Variants in HECW1 observed in about 807,000 individuals in gnomAD.
The protein encoded by HECW1 is HECT, C2 and WW domain containing E3 ubiquitin protein ligase 1, also known as E3 ubiquitin-protein ligase HECW1.
A neutral mutation model predicts 182.3 loss-of-function variants in HECW1; 61 were observed. The observed-to-expected ratio is 0.33, with a 90% CI of 0.27 to 0.41. The LOEUF is 0.41. HECW1 is among the 10% of genes least tolerant of loss of function. The pLI, the probability that HECW1 is intolerant of heterozygous loss-of-function variation, is 1.00. For synonymous variants in HECW1, 859 were observed against 832.6 expected, an observed-to-expected ratio of 1.03 and a Z score of -0.55; for missense variants, 1,739 against 2,108.9, an observed-to-expected ratio of 0.82 and a Z score of 3.44.
chr7:43,255,321 G>C (rs56016010), intron 3 of HECW1, among the ~76,000 whole-genome samples: 25 of 152,004 alleles, frequency 1.6e-4, no homozygotes, highest in Non-Finnish European at 3.4e-4. Flanking sequence ...TATTCAGGCC[G>C]GGCCTGGTGG....
At chr7:43,365,996 G>T (rs2152816207) in intron 6 of HECW1, among the ~76,000 whole-genome samples, 1 of 152,144 alleles carries the variant, frequency 6.6e-6, no homozygotes, top group East Asian at 1.9e-4. Context: ...CTAGCTACTT[G>T]GGAGGCTGAG....
At chr7:43,445,710 ATGTG>A in intron 11 of HECW1, 140 bp downstream of exon 11, 2 of 990,674 alleles carry the variant, frequency 2.0e-6, no homozygotes, top group Non-Finnish European at 2.9e-6. Flanking sequence ...TTGTATATAC[ATGTG>A]TGCATGTGTA....
chr7:43,172,458 A>G (rs930685830), intron 2 of HECW1, among the ~76,000 whole-genome samples: 1 of 151,572 alleles, frequency 6.6e-6, no homozygotes, highest in African/African-American at 2.4e-5. Context: ...TCTTTCACAC[A>G]TGCCCATGTT....
At chr7:43,427,623 T>C (rs1307939218) in intron 8 of HECW1, among the ~76,000 whole-genome samples, 1 of 152,200 alleles carries the variant, frequency 6.6e-6, no homozygotes, top group Non-Finnish European at 1.5e-5. Context: ...AGCCATTTAT[T>C]ATCTCACAAT....
At chr7:43,158,784 G>A (rs1790173783) in intron 2 of HECW1, among the ~76,000 whole-genome samples, 1 of 152,112 alleles carries the variant, frequency 6.6e-6, no homozygotes, top group Non-Finnish European at 1.5e-5. Context: ...CACCATGCTC[G>A]TGGTTTACTT....
At chr7:43,478,565 T>C (rs1431175737) in intron 16 of HECW1, among the ~76,000 whole-genome samples, 1 of 152,174 alleles carries the variant, frequency 6.6e-6, no homozygotes, top group Non-Finnish European at 1.5e-5. Context: ...AAAGAATATT[T>C]AATAATTTAG....
chr7:43,182,618 G>A (rs556386407), intron 2 of HECW1, among the ~76,000 whole-genome samples: 2 of 152,266 alleles, frequency 1.3e-5, no homozygotes, highest in South Asian at 2.1e-4. Flanking sequence ...TTTTTCTCAA[G>A]ATTGCTTTGC....
chr7:43,202,410 T>C (rs1234122348), intron 2 of HECW1, among the ~76,000 whole-genome samples: 1 of 152,142 alleles, frequency 6.6e-6, no homozygotes, highest in Non-Finnish European at 1.5e-5. Flanking sequence ...CTTTTCCATA[T>C]TCTTTTTTAC....
intron 16 of HECW1, among the ~76,000 whole-genome samples, chr7:43,478,478 C>CCCT (rs2078299633): frequency 6.6e-6 from 1 of 152,096 alleles, no homozygotes; most frequent in Non-Finnish European, 1.5e-5. Context: ...AGTCAAATGT[C>CCCT]TAACAATTAA....
chr7:43,171,477 CAGGCTCCAAGGAAAGACGACCCTCAG>C (rs1255671681), intron 2 of HECW1, among the ~76,000 whole-genome samples: 2 of 152,102 alleles, frequency 1.3e-5, no homozygotes, highest in African/African-American at 4.8e-5. Flanking sequence ...GCGTGCTGGC[CAGGCTCCAAGGAAAGACGACCCTCAG>C]GGGCTCCAAG....
At chr7:43,510,892 C>G (rs1563073629) in intron 24 of HECW1, 2 of 152,200 alleles carry the variant, frequency 1.3e-5, no homozygotes, top group Non-Finnish European at 2.9e-5. Context: ...GATACTGTGG[C>G]CCACACTTGG....
intron 2 of HECW1, among the ~76,000 whole-genome samples, chr7:43,228,979 T>G (rs1797662885): frequency 6.6e-6 from 1 of 152,240 alleles, no homozygotes; most frequent in African/African-American, 2.4e-5. Context: ...TCTTTTTTTC[T>G]TCTGTTTTCT....
chr7:43,380,252 T>G (rs1339730323), intron 6 of HECW1, among the ~76,000 whole-genome samples: 3 of 152,118 alleles, frequency 2.0e-5, no homozygotes, highest in African/African-American at 7.2e-5. Context: ...TTTGTAGAGA[T>G]GGAGTCTTGC....
intron 8 of HECW1, among the ~76,000 whole-genome samples, chr7:43,421,863 G>GTA (rs1162219222): frequency 6.6e-6 from 1 of 152,190 alleles, no homozygotes; most frequent in Non-Finnish European, 1.5e-5. Flanking sequence ...TCAGTTAGGA[G>GTA]ACATTACAGA....
intron 5 of HECW1, among the ~76,000 whole-genome samples, chr7:43,345,652 C>T (rs1181351781): frequency 6.6e-6 from 1 of 152,102 alleles, no homozygotes; most frequent in Non-Finnish European, 1.5e-5. Flanking sequence ...CATAGCTCAG[C>T]TCCCACATAT....
chr7:43,550,489 G>A lies in HECW1; in HGVS notation c.4293G>A (p.Val1431=). Residue 1431 remains valine, a synonymous_variant, in exon 27 of 30, where the codon GTG becomes GTA. Coordinates refer to ENST00000395891, the MANE Select transcript of HECW1 (RefSeq NM_015052.5). ...ELKSGGANTQ[V]TEKNKKEYIE... The stretch of plus-strand genomic sequence containing the variant: ...AGTCTGGAGGAGCCAACACACAGGT[G>A]ACGGAGAAAAACAAGAAGGAGTACA... 3 of 1,614,156 alleles carry A rather than the reference G, an allele frequency of 1.9e-6. No individual in the cohort carries two copies. The highest frequency in any genetic ancestry group is 2.5e-6 in the Non-Finnish European group (3 of 1,180,014).
chr7:43,130,050 A>G (rs150659299), intron 2 of HECW1, among the ~76,000 whole-genome samples: 87 of 152,352 alleles, frequency 5.7e-4, no homozygotes, highest in African/African-American at 1.9e-3. Flanking sequence ...GGCTGATTGT[A>G]TACATTGCAA....
intron 17 of HECW1, among the ~76,000 whole-genome samples, chr7:43,488,440 G>GAAAGAAAGAAAGAAAGAAAGA (rs2078775634): frequency 6.6e-5 from 8 of 121,154 alleles, no homozygotes; most frequent in African/African-American, 2.3e-4. Context: ...GAAAGAGAAA[G>GAAAGAAAGAAAGAAAGAAAGA]AAAGAAAGAA....
chr7:43,226,058 C>T (rs766493813), intron 2 of HECW1, among the ~76,000 whole-genome samples: 11 of 152,208 alleles, frequency 7.2e-5, no homozygotes, highest in Admixed American at 2.6e-4. Context: ...TAGGTGTCAC[C>T]ATGCCTGGCC....
Sources: allele counts gnomAD v4.1 joint callset (sites outside exome capture counted in the v4.1 genomes callset), GRCh38; gene constraint gnomAD v4.1.1; transcripts MANE v1.5; gene names NCBI Gene and HGNC (gene_info 2026-07-23, HGNC 2026-07-21).